The following CPNE4 variants were observed in gnomAD, a reference collection of about 807,000 sequenced individuals.
CPNE4 encodes copine-4.
Under a neutral mutation model 67.9 loss-of-function variants are expected in CPNE4, and 25 were observed. That is an observed-to-expected ratio of 0.37 (90% confidence interval 0.27 to 0.51). CPNE4 has a LOEUF of 0.51. Among genes scored for constraint, CPNE4 ranks in the 20% least tolerant of loss-of-function variants. The pLI is 0.93. For missense variants in CPNE4, 464 were observed against 690.8 expected, an observed-to-expected ratio of 0.67 and a Z score of 3.68; for synonymous variants, 242 against 244.9, an observed-to-expected ratio of 0.99 and a Z score of 0.11.
intron 7 of CPNE4, among the ~76,000 whole-genome samples, chr3:131,607,459 G>T (rs570780003): frequency 3.3e-5 from 5 of 152,238 alleles, no homozygotes; most frequent in African/African-American, 9.6e-5. Flanking sequence ...TCCTTTTAAA[G>T]TGGTCTCATC....
intron 1 of CPNE4, among the ~76,000 whole-genome samples, chr3:131,969,954 G>A (rs2072458719): frequency 6.6e-6 from 1 of 152,174 alleles, no homozygotes; most frequent in African/African-American, 2.4e-5. Flanking sequence ...AATTGAATGA[G>A]ACATGCCTAG....
intron 7 of CPNE4, among the ~76,000 whole-genome samples, chr3:131,643,670 A>C (rs2079591856): frequency 6.6e-6 from 1 of 152,138 alleles, no homozygotes; most frequent in African/African-American, 2.4e-5. Flanking sequence ...TCTCATTTTG[A>C]ATTGTAGTTT....
At chr3:131,942,461 TGTGAGAGAGAGAGAGAGA>T (rs1205916211) in intron 1 of CPNE4, among the ~76,000 whole-genome samples, 117 of 57,646 alleles carry the variant, frequency 2.0e-3, no homozygotes, top group East Asian at 5.7e-3. Flanking sequence ...TGTGTGTGTG[TGTGAGAGAGAGAGAGAGA>T]GAGAGAGAGA....
chr3:131,554,319 G>A (rs900834490), intron 12 of CPNE4, among the ~76,000 whole-genome samples: 3 of 152,082 alleles, frequency 2.0e-5, no homozygotes, highest in African/African-American at 7.2e-5. Context: ...AGGTTTTCAA[G>A]AGAAACCAGA....
intron 2 of CPNE4, among the ~76,000 whole-genome samples, chr3:131,870,499 G>A (rs2087152405): frequency 6.6e-6 from 1 of 152,168 alleles, no homozygotes; most frequent in Non-Finnish European, 1.5e-5. Flanking sequence ...AAGTTAGTGG[G>A]TGAGGGGATC....
intron 2 of CPNE4, among the ~76,000 whole-genome samples, chr3:131,861,685 G>A (rs140291390): frequency 0.076 from 11,617 of 152,070 alleles, 572 homozygotes; most frequent in East Asian, 0.17. Flanking sequence ...CACCGGCCTC[G>A]GCCTCACAAA....
chr3:131,623,875 G>T (rs1940600962), intron 7 of CPNE4, among the ~76,000 whole-genome samples: 1 of 152,218 alleles, frequency 6.6e-6, no homozygotes, highest in African/African-American at 2.4e-5. Flanking sequence ...AAATCTGCTT[G>T]TTGGGCCTAT....
At chr3:131,822,988 G>A (rs1560399610) in intron 2 of CPNE4, among the ~76,000 whole-genome samples, 1 of 152,046 alleles carries the variant, frequency 6.6e-6, no homozygotes, top group Non-Finnish European at 1.5e-5. Context: ...ACAGGCATGT[G>A]CCACCACACC....
At chr3:131,693,754 CTCCCCTCTTCCT>C (rs1332384538) in intron 5 of CPNE4, among the ~76,000 whole-genome samples, 8 of 152,136 alleles carry the variant, frequency 5.3e-5, no homozygotes, top group Non-Finnish European at 8.8e-5. Context: ...CCCCTCTTAC[CTCCCCTCTTCCT>C]GGCTTCCTAC....
intron 7 of CPNE4, chr3:131,620,317 A>G (rs565172536): frequency 4.7e-6 from 1 of 214,182 alleles, no homozygotes; most frequent in African/African-American, 2.3e-5. Flanking sequence ...TTAAGGAGAG[A>G]GTTTCTTGGA....
intron 7 of CPNE4, among the ~76,000 whole-genome samples, chr3:131,627,157 C>T (rs1267063498): frequency 1.6e-5 from 2 of 122,814 alleles, no homozygotes; most frequent in African/African-American, 8.9e-5. Context: ...TGTGCCACTG[C>T]ACTCCAGCCT....
Position 131,552,453 on chromosome 3 carries a change from G to A in CPNE4, c.1155C>T (p.Asn385=). The change falls in exon 13 of 16, where the codon AAC becomes AAT. Residue 385 remains asparagine (N), a synonymous_variant. Coordinates refer to ENST00000429747, the MANE Select transcript of CPNE4 (RefSeq NM_130808.3). ...GTTGTGCTTTACCTGCACATTCTGG[G>A]TTGTCTTCATTAAAGTTGATTGCAA... ...HDFAINFNED[N]PECAGIQGVV... The A allele has an allele frequency of 6.2e-7, 1 of 1,612,614 alleles. No individual in the cohort carries two copies. Among genetic ancestry groups the A allele is most frequent in the Non-Finnish European group, 8.5e-7 (1 of 1,179,060 alleles).
At chr3:131,642,746 C>T (rs1020705261) in intron 7 of CPNE4, among the ~76,000 whole-genome samples, 1 of 152,098 alleles carries the variant, frequency 6.6e-6, no homozygotes. Context: ...TTCCCTTTGC[C>T]GCCATGTGAG....
intron 2 of CPNE4, among the ~76,000 whole-genome samples, chr3:131,891,424 T>G (rs997538888): frequency 6.6e-6 from 1 of 152,130 alleles, no homozygotes; most frequent in African/African-American, 2.4e-5. Context: ...CTACGAGTTT[T>G]TTTTTTAAAC....
At chr3:131,689,845 G>C (rs1166747669) in intron 5 of CPNE4, among the ~76,000 whole-genome samples, 1 of 152,132 alleles carries the variant, frequency 6.6e-6, no homozygotes, top group Non-Finnish European at 1.5e-5. Flanking sequence ...TCCTAGAACT[G>C]ATCTTCAGCA....
intron 10 of CPNE4, among the ~76,000 whole-genome samples, chr3:131,570,566 T>G (rs1410290416): frequency 6.6e-5 from 10 of 152,048 alleles, no homozygotes; most frequent in Non-Finnish European, 1.2e-4. Context: ...GGTTTTATTT[T>G]TAGCTGCTCT....
At chr3:131,551,564 G>A (rs1485691364) in intron 13 of CPNE4, among the ~76,000 whole-genome samples, 1 of 151,944 alleles carries the variant, frequency 6.6e-6, no homozygotes, top group Non-Finnish European at 1.5e-5. Flanking sequence ...ATACATTAGT[G>A]GAAAAAATGG....
intron 10 of CPNE4, among the ~76,000 whole-genome samples, chr3:131,573,186 G>A (rs1184719188): frequency 6.6e-6 from 1 of 152,044 alleles, no homozygotes; most frequent in Non-Finnish European, 1.5e-5. Context: ...CTGTGGGGAG[G>A]AACTATTGTT....
intron 2 of CPNE4, among the ~76,000 whole-genome samples, chr3:131,818,893 G>C (rs2084850412): frequency 6.6e-6 from 1 of 151,974 alleles, no homozygotes; most frequent in African/African-American, 2.4e-5. Flanking sequence ...CGAGGTCAAG[G>C]GTTTAAGACC....
Sources: allele counts gnomAD v4.1 joint callset (sites outside exome capture counted in the v4.1 genomes callset), GRCh38; gene constraint gnomAD v4.1.1; transcripts MANE v1.5; gene names NCBI Gene and HGNC (gene_info 2026-07-23, HGNC 2026-07-21).